The following MAML2 variants were observed in gnomAD, a reference collection of about 807,000 sequenced individuals.
MAML2 encodes the protein mastermind like transcriptional coactivator 2.
In MAML2, 22 loss-of-function variants were observed where a neutral mutation model predicts 96.1. The observed-to-expected ratio is 0.23, with a 90% confidence interval of 0.16 to 0.33. MAML2 has a LOEUF of 0.33. Ranked by LOEUF, MAML2 falls within the 10% of genes least tolerant of loss-of-function variation. MAML2 has a pLI of 1.00. For synonymous variants in MAML2, 561 were observed against 521.3 expected, an observed-to-expected ratio of 1.08 and a Z score of -1.04; for missense variants, 1,367 against 1,392.4, an observed-to-expected ratio of 0.98 and a Z score of 0.29.
intron 1 of MAML2, among the ~76,000 whole-genome samples, chr11:96,330,847 G>C (rs1171876826): frequency 6.6e-6 from 1 of 152,212 alleles, no homozygotes; most frequent in African/African-American, 2.4e-5. Context: ...TCACGTTATT[G>C]GATAATGCAA....
At position 96,252,103 on chromosome 11, in the gene MAML2, T is replaced by C. The variant is rs138894065; in HGVS notation, c.513+89280A>G. On this transcript the variant is annotated intron_variant, in intron 1 of 4. Transcript: ENST00000524717. Reference sequence around the variant, plus strand: ...GTTGTATGGCCTGGCTAATTTCCAATTGGGTCTAAATACTTTTTCCCATAA... The same window carrying C: ...GTTGTATGGCCTGGCTAATTTCCAACTGGGTCTAAATACTTTTTCCCATAA... Among the ~76,000 whole-genome samples the C allele has an allele frequency of 1.6e-3, 248 of 152,128 alleles. 2 individuals carry two copies. Among genetic ancestry groups the C allele is most frequent in the African/African-American group, 5.3e-3 (219 of 41,476 alleles).
chr11:96,336,344 A>AT (rs1474017681), intron 1 of MAML2, among the ~76,000 whole-genome samples: 1 of 151,956 alleles, frequency 6.6e-6, no homozygotes, highest in Non-Finnish European at 1.5e-5. Context: ...TCTTCCTCTG[A>AT]TTTTTCTATA....
intron 2 of MAML2, among the ~76,000 whole-genome samples, chr11:96,056,955 G>A (rs1261380761): frequency 1.3e-5 from 2 of 152,186 alleles, no homozygotes; most frequent in African/African-American, 4.8e-5. Flanking sequence ...TCCTTGAAAT[G>A]AAATTTGTTG....
At chr11:96,011,090 G>T (rs1162821438) in intron 2 of MAML2, among the ~76,000 whole-genome samples, 2 of 152,306 alleles carry the variant, frequency 1.3e-5, no homozygotes, top group East Asian at 3.9e-4. Flanking sequence ...TGATGAGGTT[G>T]CAGAGAAAAG....
intron 1 of MAML2, among the ~76,000 whole-genome samples, chr11:96,192,958 A>G (rs1461856776): frequency 6.6e-6 from 1 of 152,224 alleles, no homozygotes; most frequent in African/African-American, 2.4e-5. Context: ...CCTTAAAATA[A>G]TTTATTAGAC....
At chr11:96,311,912 G>A (rs1355584595) in intron 1 of MAML2, among the ~76,000 whole-genome samples, 1 of 152,078 alleles carries the variant, frequency 6.6e-6, no homozygotes, top group Non-Finnish European at 1.5e-5. Context: ...CAATAATAAA[G>A]CTATAGCCAC....
chr11:96,177,244 T>A (rs928094792), intron 1 of MAML2, among the ~76,000 whole-genome samples: 14 of 152,334 alleles, frequency 9.2e-5, no homozygotes, highest in Middle Eastern at 6.8e-3. Context: ...CCTTTGAGGA[T>A]TATGAATCAT....
At chr11:96,286,384 C>A (rs1009836716) in intron 1 of MAML2, among the ~76,000 whole-genome samples, 4 of 152,106 alleles carry the variant, frequency 2.6e-5, no homozygotes, top group Admixed American at 6.6e-5. Context: ...GGTTTAATAC[C>A]TAGGTGGTGG....
At chr11:96,009,320 T>C (rs1229211078) in intron 2 of MAML2, among the ~76,000 whole-genome samples, 1 of 152,196 alleles carries the variant, frequency 6.6e-6, no homozygotes, top group Admixed American at 6.5e-5. Flanking sequence ...GCTGGGTTCA[T>C]GGCTTTTCCC....
At chr11:96,017,020 T>C (rs1299632811) in intron 2 of MAML2, among the ~76,000 whole-genome samples, 1 of 152,164 alleles carries the variant, frequency 6.6e-6, no homozygotes, top group Non-Finnish European at 1.5e-5. Flanking sequence ...GGCAATTAAC[T>C]ATGTGAGGAA....
chr11:96,170,496 T>C (rs918886232), intron 1 of MAML2, among the ~76,000 whole-genome samples: 4 of 152,262 alleles, frequency 2.6e-5, no homozygotes, highest in Admixed American at 2.6e-4. Context: ...TTTTAGAAAA[T>C]TGAAGGTAGC....
chr11:96,095,000 C>T (rs910537627), intron 1 of MAML2, among the ~76,000 whole-genome samples: 2 of 152,148 alleles, frequency 1.3e-5, no homozygotes, highest in African/African-American at 2.4e-5. Flanking sequence ...ATCTGCACAA[C>T]AATCCCATTA....
At chr11:96,160,391 T>C (rs1861084398) in intron 1 of MAML2, among the ~76,000 whole-genome samples, 1 of 151,904 alleles carries the variant, frequency 6.6e-6, no homozygotes, top group Admixed American at 6.6e-5. Context: ...TTTTATGGCC[T>C]TTAGCAAATA....
chr11:96,201,708 A>C (rs1485937635), intron 1 of MAML2, among the ~76,000 whole-genome samples: 1 of 152,072 alleles, frequency 6.6e-6, no homozygotes, highest in African/African-American at 2.4e-5. Context: ...TCACGAGGTC[A>C]GGAGATCGAG....
At chr11:96,022,022 A>T (rs893412812) in intron 2 of MAML2, among the ~76,000 whole-genome samples, 1 of 152,046 alleles carries the variant, frequency 6.6e-6, no homozygotes, top group African/African-American at 2.4e-5. Context: ...CCATGTGTCC[A>T]TGACTAAGCT....
intron 1 of MAML2, among the ~76,000 whole-genome samples, chr11:96,237,838 T>C (rs140151886): frequency 6.6e-5 from 10 of 152,366 alleles, no homozygotes; most frequent in African/African-American, 2.4e-4. Flanking sequence ...ATGAAAGGAA[T>C]CTGCTAAGCT....
chr11:96,262,510 C>T (rs1034041687), intron 1 of MAML2, among the ~76,000 whole-genome samples: 8 of 151,590 alleles, frequency 5.3e-5, no homozygotes, highest in East Asian at 3.9e-4. Context: ...CTCTGTTGCC[C>T]GGGCTGGAGT....
Position 96,341,371 on chromosome 11 carries a change from C to T in MAML2, c.513+12G>A. The T allele has an allele frequency of 1.3e-6, 2 of 1,505,418 alleles. No homozygotes were observed. Among genetic ancestry groups the T allele is most frequent in the Non-Finnish European group, 1.8e-6 (2 of 1,120,934 alleles). 93.3% of individuals were successfully genotyped at this position (1,505,418 alleles called of 1,614,324 possible). A position where few individuals can be genotyped will look rare whatever the true frequency, so the allele number is the denominator to read the frequency against. On this transcript the variant is annotated intron_variant, in intron 1 of 4. Transcript: ENST00000524717. ...GACCACAGCCAGAACCATGAGAAAGCCAGGTGCTTACCGCAATCAGGGCTG... is the reference window on the plus strand; with the variant it reads ...GACCACAGCCAGAACCATGAGAAAGTCAGGTGCTTACCGCAATCAGGGCTG...
At chr11:96,078,446 C>T (rs374524299) in intron 2 of MAML2, among the ~76,000 whole-genome samples, 1 of 152,230 alleles carries the variant, frequency 6.6e-6, no homozygotes, top group Admixed American at 6.5e-5. Context: ...ACAGGAAAAT[C>T]TGTACCAGAA....
Sources: allele counts gnomAD v4.1 joint callset (sites outside exome capture counted in the v4.1 genomes callset), GRCh38; gene constraint gnomAD v4.1.1; transcripts MANE v1.5; gene names NCBI Gene and HGNC (gene_info 2026-07-23, HGNC 2026-07-21).